The following CAMSAP3 variants were observed in gnomAD, a reference collection of about 807,000 sequenced individuals.
CAMSAP3 encodes the protein calmodulin-regulated spectrin-associated protein 3.
Under a neutral mutation model 112.5 loss-of-function variants are expected in CAMSAP3, and 34 were observed. The observed-to-expected ratio is 0.30, with a 90% CI of 0.23 to 0.40. CAMSAP3 has a LOEUF of 0.40. Ranked by LOEUF, CAMSAP3 falls within the 10% of genes least tolerant of loss-of-function variation. CAMSAP3 has a pLI of 1.00. For missense variants in CAMSAP3, 1,602 were observed against 1,770.3 expected, an observed-to-expected ratio of 0.90 and a Z score of 1.71; for synonymous variants, 868 against 799.8, an observed-to-expected ratio of 1.09 and a Z score of -1.44.
At position 7,604,441 on chromosome 19, in the gene CAMSAP3, T is replaced by C. The variant is rs375582090; in HGVS notation, c.149-785T>C. Among the ~76,000 whole-genome samples the C allele has an allele frequency of 5.2e-4, 79 of 152,154 alleles. No individual in the cohort carries two copies. The East Asian group carries it at 8.7e-3, about 17-fold the overall frequency. On this transcript the variant is annotated intron_variant, in intron 1 of 16. Coordinates refer to ENST00000160298, the MANE Select transcript of CAMSAP3 (RefSeq NM_020902.2). ...AGCCCCTCACATTCAATTTCACCCCTTCACCTCCCATTCCTCCTGCACCCA... is the reference window on the plus strand; with the variant it reads ...AGCCCCTCACATTCAATTTCACCCCCTCACCTCCCATTCCTCCTGCACCCA...
At chr19:7,614,028 A>T (rs992483558) in intron 11 of CAMSAP3, among the ~76,000 whole-genome samples, 2 of 151,994 alleles carry the variant, frequency 1.3e-5, no homozygotes, top group Non-Finnish European at 2.9e-5. Context: ...TTGGGAGGCC[A>T]AGGCAGGCGG....
chr19:7,611,489 C>A lies in CAMSAP3; in HGVS notation c.1124-28C>A. On this transcript the variant is annotated intron_variant, in intron 9 of 16. Transcript: ENST00000160298. The surrounding 1 kb of genome is among the most constrained non-coding windows in gnomAD (Gnocchi z 6.9). ...CCCCACTCAGGGTTCCCAGGGTCCCCATAGTGACCACTCATCGCCTCCCCC... is the reference window on the plus strand; with the variant it reads ...CCCCACTCAGGGTTCCCAGGGTCCCAATAGTGACCACTCATCGCCTCCCCC... 1 of 1,585,582 alleles carries A rather than the reference C, an allele frequency of 6.3e-7. No individual in the cohort carries two copies. Among genetic ancestry groups the A allele is most frequent in the Non-Finnish European group, 8.6e-7 (1 of 1,165,192 alleles).
chr19:7,610,493 C>T lies in CAMSAP3; in HGVS notation c.778C>T (p.Pro260Ser). Residue 260 changes from proline to serine, a missense_variant, in exon 6 of 17, where the codon CCC becomes TCC. Pro to Ser is a moderately conservative substitution (Grantham distance 74). Transcript: ENST00000160298. The surrounding 1 kb of genome is among the most constrained non-coding windows in gnomAD (Gnocchi z 4.9). ...LRLEEVCLKD[P>S]MSVADSLYNL... ...CCCCACAGAGGTGTGCTTGAAGGAC[C>T]CCATGTCTGTGGCGGACAGCCTGTA... is the stretch of plus-strand genomic sequence containing the variant. 1 of 1,612,934 alleles carries T rather than the reference C, an allele frequency of 6.2e-7. No homozygotes were observed. The highest frequency in any genetic ancestry group is 8.5e-7 in the Non-Finnish European group (1 of 1,179,704).
At chr19:7,597,196 T>C (rs956180627) in intron 1 of CAMSAP3, among the ~76,000 whole-genome samples, 4 of 152,158 alleles carry the variant, frequency 2.6e-5, no homozygotes, top group Non-Finnish European at 5.9e-5. Context: ...CAACCTGTTC[T>C]GGGTGTGGGT....
rs1172594055 is a variant in CAMSAP3 at position 7,595,949 on chromosome 19, C to A, written c.-54C>A. The A allele has an allele frequency of 5.6e-6, 5 of 889,886 alleles. No individual in the cohort carries two copies. The highest frequency in any genetic ancestry group is 6.8e-6 in the Non-Finnish European group (5 of 735,466). The allele number at this position is 889,886 out of a possible 1,614,324, so 55.1% of individuals were successfully genotyped here. A position where few individuals can be genotyped will look rare whatever the true frequency, so the allele number is the denominator to read the frequency against. ...CGGCTGGGGCGCGAGCGCGGCGCAG[C>A]CCAGCCCAGCCCAGTCCGAGCGCGG... On this transcript the variant is annotated 5_prime_UTR_variant, in exon 1 of 17. Coordinates refer to ENST00000160298, the MANE Select transcript of CAMSAP3 (RefSeq NM_020902.2).
rs1294171342 is a variant in CAMSAP3 at position 7,606,151 on chromosome 19, G to GCCCCC, written c.403-116_403-115insCCCCC. ...TGAACCACTGGCCCCGCCCCCTCAAGCCCCACCCCCCCCGTCAAGTCCCTC... is the reference window on the plus strand; with the variant it reads ...TGAACCACTGGCCCCGCCCCCTCAAGCCCCCCCCCACCCCCCCCGTCAAGTCCCTC... On this transcript the variant is annotated intron_variant, in intron 2 of 16. Coordinates refer to ENST00000160298, the MANE Select transcript of CAMSAP3 (RefSeq NM_020902.2). 62 of 153,310 alleles carry GCCCCC rather than the reference G, an allele frequency of 4.0e-4. 1 individual carries two copies. Among genetic ancestry groups the GCCCCC allele is most frequent in the African/African-American group, 2.6e-3 (44 of 16,990 alleles). 9.5% of individuals were successfully genotyped at this position (153,310 alleles called of 1,614,324 possible). A position where few individuals can be genotyped will look rare whatever the true frequency, so the allele number is the denominator to read the frequency against.
chr19:7,604,159 T>G (rs1170411817), intron 1 of CAMSAP3, among the ~76,000 whole-genome samples: 8 of 152,040 alleles, frequency 5.3e-5, no homozygotes, highest in Non-Finnish European at 8.8e-5. Flanking sequence ...GCTGTGCAGA[T>G]TAGAACAAGA....
intron 4 of CAMSAP3, chr19:7,606,853 T>C (rs1352130619): frequency 6.2e-7 from 1 of 1,601,024 alleles, no homozygotes; most frequent in Non-Finnish European, 8.6e-7. Context: ...GCCCTGCTTG[T>C]AGCTCTGTCT....
chr19:7,607,860 C>T lies in CAMSAP3; in HGVS notation c.622-266C>T, dbSNP rs2030296469. The T allele has an allele frequency of 1.5e-6, 2 of 1,308,824 alleles. No homozygotes were observed. Among genetic ancestry groups the T allele is most frequent in the South Asian group, 1.5e-5 (1 of 68,028 alleles). 81.1% of individuals were successfully genotyped at this position (1,308,824 alleles called of 1,614,324 possible). A position where few individuals can be genotyped will look rare whatever the true frequency, so the allele number is the denominator to read the frequency against. Reference sequence around the variant, plus strand: ...CTGTTTGAAGGAGTCGGGGAGCAAACCCCCCATGGTAATGTATCCCCCGCC... The same window carrying T: ...CTGTTTGAAGGAGTCGGGGAGCAAATCCCCCATGGTAATGTATCCCCCGCC... On this transcript the variant is annotated intron_variant, in intron 4 of 16. Transcript: ENST00000160298. This position sits in a 1 kb window ranked among gnomAD's most constrained non-coding sequence, Gnocchi z 4.9.
chr19:7,601,583 C>T (rs1160605555), intron 1 of CAMSAP3, among the ~76,000 whole-genome samples: 1 of 152,022 alleles, frequency 6.6e-6, no homozygotes, highest in African/African-American at 2.4e-5. Flanking sequence ...AAATAATGCT[C>T]AGTAAACATT....
chr19:7,605,147 GGTGTGTGT>G (rs56244737), intron 1 of CAMSAP3, 71 bp from the exon 2 acceptor site: 15 of 624,552 alleles, frequency 2.4e-5, no homozygotes, highest in Non-Finnish European at 3.3e-5. Context: ...CGGGCCATGT[GGTGTGTGT>G]GTGTGTGTGT....
intron 1 of CAMSAP3, among the ~76,000 whole-genome samples, chr19:7,597,499 T>G (rs2024464658): frequency 1.3e-5 from 2 of 152,212 alleles, no homozygotes; most frequent in South Asian, 4.1e-4. Flanking sequence ...CTGTTTCCCC[T>G]TCTATAAAAG....
Position 7,611,434 on chromosome 19 carries a change from T to C in CAMSAP3, c.1124-83T>C. 1 of 1,343,508 alleles carries C rather than the reference T, an allele frequency of 7.4e-7. No homozygotes were observed. The highest frequency in any genetic ancestry group is 1.0e-6 in the Non-Finnish European group (1 of 977,012). 83.2% of individuals were successfully genotyped at this position (1,343,508 alleles called of 1,614,324 possible). A position where few individuals can be genotyped will look rare whatever the true frequency, so the allele number is the denominator to read the frequency against. On this transcript the variant is annotated intron_variant, in intron 9 of 16. Transcript: ENST00000160298. This position sits in a 1 kb window ranked among gnomAD's most constrained non-coding sequence, Gnocchi z 6.9. The stretch of plus-strand genomic sequence containing the variant: ...GCCATCAGTGACTCACCCAATGACC[T>C]TGCAGAGGTTGTCCCCAGATGCTGG...
Position 7,612,944 on chromosome 19 carries a change from G to C in CAMSAP3, c.2451G>C (p.Gln817His), listed in dbSNP as rs1555762170. ...ACCTGCGCAAGTTCTCGCCGAGCCA[G>C]GTGCCCGTGCAGACGCGCTCTTCCA... is the stretch of plus-strand genomic sequence containing the variant. ...LPHLRKFSPSQVPVQTRSSIL... is the reference protein window; with the variant it reads ...LPHLRKFSPSHVPVQTRSSIL... The change falls in exon 11 of 17, where the codon CAG becomes CAC. Residue 817 changes from glutamine (Q) to histidine (H), a missense_variant. Physicochemically the swap from Gln to His is conservative, Grantham distance 24. Around this residue, in one of 6 missense-constraint regions of CAMSAP3, gnomAD observed 1,100 missense variants for 1,135.7 expected, o/e 0.97. Transcript: ENST00000160298. The C allele has an allele frequency of 1.9e-6, 3 of 1,609,000 alleles. No individual in the cohort carries two copies. The highest frequency in any genetic ancestry group is 2.5e-6 in the Non-Finnish European group (3 of 1,178,956).
At chr19:7,605,537 G>C in intron 2 of CAMSAP3, 58 bp downstream of exon 2, 1 of 1,390,162 alleles carries the variant, frequency 7.2e-7, no homozygotes, top group Non-Finnish European at 9.3e-7. Context: ...CTCCCCTCAA[G>C]CTCCTCCCGC....
Position 7,611,850 on chromosome 19 carries a change from C to A in CAMSAP3, c.1357C>A (p.Pro453Thr). ...GACCCCCACCCAGCCACCCCCGGAG[C>A]CTGGTGACCTGCCCACCATCGAGGA... ...ARTPTQPPPE[P>T]GDLPTIEEAL... The change falls in exon 11 of 17, where the codon CCT becomes ACT. Residue 453 changes from proline to threonine, a missense_variant. Physicochemically the swap from Pro to Thr is conservative, Grantham distance 38 (BLOSUM62 -1). This residue lies in a region of CAMSAP3 where 1,100 missense variants were observed against 1,135.7 expected (regional missense o/e 0.97). Coordinates refer to ENST00000160298, the MANE Select transcript of CAMSAP3 (RefSeq NM_020902.2). This position sits in a 1 kb window ranked among gnomAD's most constrained non-coding sequence, Gnocchi z 6.9. 2 of 1,569,328 alleles carry A rather than the reference C, an allele frequency of 1.3e-6. No homozygotes were observed. The highest frequency in any genetic ancestry group is 1.7e-6 in the Non-Finnish European group (2 of 1,158,096).
chr19:7,608,069 G>A, intron 4 of CAMSAP3, 57 bp from the exon 5 acceptor site: 1 of 1,580,256 alleles, frequency 6.3e-7, no homozygotes, highest in Non-Finnish European at 8.6e-7. Context: ...CAGCCTGCAT[G>A]ACCGCTGACC....
chr19:7,611,729 C>T lies in CAMSAP3; in HGVS notation c.1236C>T (p.Gly412=). ...SQAVSFSTPF[G]LDSDVDVVMG... The stretch of plus-strand genomic sequence containing the variant: ...CTGTGTCATTCAGCACCCCCTTTGG[C>T]CTGGACAGCGACGTGGATGTCGTCA... Residue 412 remains glycine, a synonymous_variant, in exon 11 of 17, where the codon GGC becomes GGT. Coordinates refer to ENST00000160298, the MANE Select transcript of CAMSAP3 (RefSeq NM_020902.2). The surrounding 1 kb of genome is among the most constrained non-coding windows in gnomAD (Gnocchi z 6.9). The T allele has an allele frequency of 6.4e-7, 1 of 1,565,996 alleles. No homozygotes were observed.
chr19:7,606,051 A>G (rs957690115), intron 2 of CAMSAP3, among the ~76,000 whole-genome samples: 2 of 151,630 alleles, frequency 1.3e-5, no homozygotes, highest in African/African-American at 4.9e-5. Flanking sequence ...CTAGCATCTG[A>G]CCTCAAAGTC....
Sources: allele counts gnomAD v4.1 joint callset (sites outside exome capture counted in the v4.1 genomes callset), GRCh38; gene constraint gnomAD v4.1.1; regional missense constraint gnomAD v4.1.1; non-coding constraint Gnocchi (gnomAD v3.1); transcripts MANE v1.5; gene names NCBI Gene and HGNC (gene_info 2026-07-23, HGNC 2026-07-21).